Variants in IMPG1 observed in about 807,000 individuals in gnomAD.
IMPG1 encodes the protein interphotoreceptor matrix proteoglycan 1.
A neutral mutation model predicts 92.0 loss-of-function variants in IMPG1; 85 were observed. The observed-to-expected ratio is 0.92, with a 90% CI of 0.78 to 1.11. IMPG1 has a LOEUF of 1.11. Among genes scored for constraint, IMPG1 ranks in the 50% least tolerant of loss-of-function variants. The probability of loss-of-function intolerance (pLI) is 0.00; values close to 1 mark genes in which losing one functional copy is unlikely to be tolerated. For synonymous variants in IMPG1, 367 were observed against 334.1 expected (o/e 1.10, Z -1.08); for missense variants, 1,022 against 956.0 (o/e 1.07, Z -0.91).
At chr6:75,933,083 T>A (rs1211421828) in intron 14 of IMPG1, among the ~76,000 whole-genome samples, 5 of 152,184 alleles carry the variant, frequency 3.3e-5, no homozygotes, top group Non-Finnish European at 7.3e-5. Context: ...ATTGATTTGA[T>A]CAATAATAAT....
chr6:75,965,594 T>C (rs1428380968), intron 12 of IMPG1, among the ~76,000 whole-genome samples: 13 of 148,000 alleles, frequency 8.8e-5, no homozygotes, highest in African/African-American at 3.0e-4. Flanking sequence ...TTATATTTTC[T>C]ACATACTTGT....
intron 7 of IMPG1, among the ~76,000 whole-genome samples, chr6:76,012,052 T>G (rs948412507): frequency 2.6e-5 from 4 of 152,260 alleles, no homozygotes; most frequent in African/African-American, 9.6e-5. Context: ...ATCTATAATG[T>G]GAAAGGGATG....
At chr6:75,967,919 A>T (rs2149464289) in intron 12 of IMPG1, among the ~76,000 whole-genome samples, 1 of 152,314 alleles carries the variant, frequency 6.6e-6, no homozygotes, top group East Asian at 1.9e-4. Flanking sequence ...GAACCCATGA[A>T]CCCTTTTTGA....
chr6:75,924,094 C>T (rs1392337938), intron 15 of IMPG1, among the ~76,000 whole-genome samples: 2 of 151,746 alleles, frequency 1.3e-5, no homozygotes, highest in Admixed American at 6.6e-5. Context: ...CAAAAGATAA[C>T]AAATGTTATC....
chr6:75,947,294 T>C lies in IMPG1; in HGVS notation c.2044+20A>G. On this transcript the variant is annotated intron_variant, in intron 14 of 16. Transcript: ENST00000369950. Reference sequence around the variant, plus strand: ...AATGAACAAAACATCTCTACCACTTTCTGGGTTGGATTCTTTTACCTGGTT... The same window carrying C: ...AATGAACAAAACATCTCTACCACTTCCTGGGTTGGATTCTTTTACCTGGTT... 6.4e-7 allele frequency: 1 copy of C among 1,572,932 alleles called. No homozygotes were observed. The highest frequency in any genetic ancestry group is 8.7e-7 in the Non-Finnish European group (1 of 1,143,250).
chr6:76,049,462 TTCTCTCTCTCTCTG>T (rs558579113), intron 1 of IMPG1, among the ~76,000 whole-genome samples: 88 of 152,034 alleles, frequency 5.8e-4, no homozygotes, highest in African/African-American at 1.9e-3. Context: ...CCTACCTTTA[TTCTCTCTCTCTCTG>T]TCTCTCTCTC....
At chr6:76,058,524 T>G (rs1784156079) in intron 1 of IMPG1, among the ~76,000 whole-genome samples, 1 of 152,160 alleles carries the variant, frequency 6.6e-6, no homozygotes, top group African/African-American at 2.4e-5. Flanking sequence ...GAGTAATATT[T>G]GAGATTGAAC....
chr6:76,015,800 C>CAAAAAAAAAAAAAAAAAAAAAAAAAAA (rs35389302), intron 7 of IMPG1, among the ~76,000 whole-genome samples: 1 of 66,744 alleles, frequency 1.5e-5, no homozygotes, highest in Non-Finnish European at 2.7e-5. Flanking sequence ...AACTCTGTCT[C>CAAAAAAAAAAAAAAAAAAAAAAAAAAA]AAAAAAAAAA....
In IMPG1 at chr6:76,042,117, A is replaced by C; in HGVS notation, c.77T>G (p.Ile26Ser). 6.6e-7 allele frequency: 1 copy of C among 1,510,282 alleles called. No homozygotes were observed. The highest frequency in any genetic ancestry group is 9.2e-7 in the Non-Finnish European group (1 of 1,085,752). 93.6% of individuals were successfully genotyped at this position (1,510,282 alleles called of 1,614,324 possible). A position where few individuals can be genotyped will look rare whatever the true frequency, so the allele number is the denominator to read the frequency against. The change falls in exon 2 of 17, where the codon ATT (isoleucine) becomes AGT (serine). Residue 26 changes from isoleucine to serine, a missense_variant. By Grantham distance (142) the Ile-to-Ser change is moderately radical. Transcript: ENST00000369950. ...LQVQGTKDIS[I>S]NIYHSETKDI... ...TTTAGTTTCAGAATGGTATATGTTA[A>C]TGGAGATATCTGTAAAAGAAAGATT...
At chr6:75,977,386 G>A (rs944903582) in intron 12 of IMPG1, among the ~76,000 whole-genome samples, 4 of 152,048 alleles carry the variant, frequency 2.6e-5, no homozygotes, top group Admixed American at 6.5e-5. Context: ...TTGGGAGTTC[G>A]CAACCAGCCT....
intron 1 of IMPG1, among the ~76,000 whole-genome samples, chr6:76,061,403 C>T (rs1242213483): frequency 6.6e-6 from 1 of 152,106 alleles, no homozygotes; most frequent in African/African-American, 2.4e-5. Context: ...AGTTAATGTG[C>T]CTACCATTAG....
intron 12 of IMPG1, among the ~76,000 whole-genome samples, chr6:75,979,888 G>T (rs889897228): frequency 6.6e-6 from 1 of 152,160 alleles, no homozygotes; most frequent in Non-Finnish European, 1.5e-5. Context: ...CCTTTGTGAG[G>T]CTAATGCTGA....
chr6:76,040,009 G>A (rs1582123831), intron 2 of IMPG1, among the ~76,000 whole-genome samples: 1 of 152,226 alleles, frequency 6.6e-6, no homozygotes, highest in African/African-American at 2.4e-5. Context: ...AACAAGAACA[G>A]TAAGTGGGTC....
At chr6:75,990,377 A>T (rs1782794260) in intron 12 of IMPG1, among the ~76,000 whole-genome samples, 1 of 152,190 alleles carries the variant, frequency 6.6e-6, no homozygotes, top group South Asian at 2.1e-4. Context: ...AGAAGCTGAA[A>T]ATCCTCTTAT....
At chr6:76,010,025 T>TAAAGAAAAAAAAAAAAAA (rs1783156796) in intron 8 of IMPG1, among the ~76,000 whole-genome samples, 2 of 152,226 alleles carry the variant, frequency 1.3e-5, no homozygotes, top group African/African-American at 4.8e-5. Context: ...CATCTTGAAA[T>TAAAGAAAAAAAAAAAAAA]AAAGAAAAAT....
At chr6:76,049,214 A>G (rs1783995042) in intron 1 of IMPG1, among the ~76,000 whole-genome samples, 1 of 152,176 alleles carries the variant, frequency 6.6e-6, no homozygotes, top group Non-Finnish European at 1.5e-5. Flanking sequence ...GGTTGGAGGG[A>G]GAGGATCAGA....
chr6:75,921,478 AC>A lies in IMPG1; in HGVS notation c.*610del. The A allele has an allele frequency of 1.3e-5, 2 of 152,782 alleles. No individual in the cohort carries two copies. Among genetic ancestry groups the A allele is most frequent in the East Asian group, 3.9e-4 (2 of 5,188 alleles). The allele number at this position is 152,782 out of a possible 1,614,324, so 9.5% of individuals were successfully genotyped here. A position where few individuals can be genotyped will look rare whatever the true frequency, so the allele number is the denominator to read the frequency against. On this transcript the variant is annotated 3_prime_UTR_variant, in exon 17 of 17. Coordinates refer to ENST00000369950, the MANE Select transcript of IMPG1 (RefSeq NM_001563.4). ...TCTGAACCTCAGTTTCTTTTAAAGA[AC>A]AATTCAAAGATTATTGGCAACAAAA...
At chr6:75,968,108 C>G (rs1378354950) in intron 12 of IMPG1, among the ~76,000 whole-genome samples, 1 of 152,180 alleles carries the variant, frequency 6.6e-6, no homozygotes, top group Admixed American at 6.5e-5. Flanking sequence ...TAAACCTTGA[C>G]AATGGTAAAA....
chr6:75,943,737 G>A (rs532435154), intron 14 of IMPG1, among the ~76,000 whole-genome samples: 36 of 152,242 alleles, frequency 2.4e-4, no homozygotes, highest in African/African-American at 5.1e-4. Context: ...CAGCCTGGAG[G>A]GACTAGAGTT....
Sources: gnomAD v4.1 joint callset for allele counts (sites outside exome capture counted in the v4.1 genomes callset) on GRCh38, gnomAD v4.1.1 for gene constraint, MANE v1.5 for transcripts, NCBI Gene and HGNC (gene_info 2026-07-23, HGNC 2026-07-21) for gene names.